The following KDM4C variants were observed in gnomAD, a reference collection of about 807,000 sequenced individuals.
The protein encoded by KDM4C is lysine-specific demethylase 4C.
Under a neutral mutation model 129.3 loss-of-function variants are expected in KDM4C, and 81 were observed. That is an observed-to-expected ratio of 0.63 (90% CI 0.52 to 0.75). The LOEUF is 0.75. KDM4C is among the 30% of genes least tolerant of loss of function. KDM4C has a pLI of 0.00. For missense variants in KDM4C, 1,457 were observed against 1,304.0 expected (o/e 1.12, Z -1.81); for synonymous variants, 573 against 456.1 (o/e 1.26, Z -3.26).
At chr9:7,086,167 A>T (rs906632012) in intron 17 of KDM4C, among the ~76,000 whole-genome samples, 2 of 152,212 alleles carry the variant, frequency 1.3e-5, no homozygotes, top group Admixed American at 6.5e-5. Context: ...CAAAAAAAAC[A>T]AAAACAGTTA....
At chr9:7,105,527 G>C (rs866984155) in intron 18 of KDM4C, 11 of 466,706 alleles carry the variant, frequency 2.4e-5, no homozygotes, top group South Asian at 9.4e-5. Context: ...CTGTTTCGAG[G>C]ATAAGAAACC....
chr9:6,896,348 G>C (rs900529091), intron 8 of KDM4C, among the ~76,000 whole-genome samples: 2 of 152,034 alleles, frequency 1.3e-5, no homozygotes, highest in Admixed American at 6.6e-5. Context: ...GTCACATGGG[G>C]TTTATTGAAT....
At chr9:7,172,869 T>C (rs1845100304) in intron 21 of KDM4C, among the ~76,000 whole-genome samples, 1 of 152,246 alleles carries the variant, frequency 6.6e-6, no homozygotes, top group Admixed American at 6.5e-5. Context: ...TGCTGTGTGT[T>C]GATGTCATCA....
intron 1 of KDM4C, among the ~76,000 whole-genome samples, chr9:6,768,867 G>T (rs1296990764): frequency 6.6e-6 from 1 of 151,946 alleles, no homozygotes. Context: ...CCACCTCCCG[G>T]GTTCAAGTGA....
At chr9:7,005,375 C>A (rs989889274) in intron 12 of KDM4C, among the ~76,000 whole-genome samples, 1 of 144,560 alleles carries the variant, frequency 6.9e-6, no homozygotes, top group Non-Finnish European at 1.5e-5. Context: ...GCGGAGGTTT[C>A]AGTGAGTCGA....
chr9:6,801,873 G>C (rs1055769574), intron 2 of KDM4C, among the ~76,000 whole-genome samples: 11 of 152,112 alleles, frequency 7.2e-5, no homozygotes, highest in South Asian at 2.1e-4. Flanking sequence ...GGGAGGCTGA[G>C]GCGGGTGGAT....
intron 17 of KDM4C, among the ~76,000 whole-genome samples, chr9:7,054,400 T>G (rs531261460): frequency 6.6e-6 from 1 of 152,226 alleles, no homozygotes; most frequent in Non-Finnish European, 1.5e-5. Flanking sequence ...AACAAAATTG[T>G]GCACAGACAA....
chr9:6,807,795 G>A (rs967065171), intron 3 of KDM4C, among the ~76,000 whole-genome samples: 4 of 149,210 alleles, frequency 2.7e-5, no homozygotes, highest in Non-Finnish European at 6.0e-5. Flanking sequence ...GGAGGTGGGG[G>A]GGGGGTCAGC....
Position 6,835,576 on chromosome 9 carries a change from A to T in KDM4C, c.436-13931A>T. ...CATCATCCATCCTTCAAATGCTTCT[A>T]GGCGGACTGTGACTTAGTTGTGTTA... On this transcript the variant is annotated intron_variant, in intron 4 of 21. Transcript: ENST00000381309. 6 of 1,005,562 alleles carry T rather than the reference A, an allele frequency of 6.0e-6. No individual in the cohort carries two copies. In the South Asian group the frequency reaches 7.6e-5, roughly 13 times the overall value. The allele number at this position is 1,005,562 out of a possible 1,614,324, so 62.3% of individuals were successfully genotyped here.
intron 1 of KDM4C, among the ~76,000 whole-genome samples, chr9:6,773,571 G>A (rs895204867): frequency 2.6e-5 from 4 of 152,032 alleles, no homozygotes; most frequent in African/African-American, 9.7e-5. Context: ...AGGAGTTCGA[G>A]ACCAGCCTGA....
chr9:6,965,241 GAAAA>G (rs200029259), intron 8 of KDM4C, among the ~76,000 whole-genome samples: 1 of 146,440 alleles, frequency 6.8e-6, no homozygotes, highest in East Asian at 2.0e-4. Flanking sequence ...AAATTGCAAA[GAAAA>G]AAAAAGTCTA....
intron 8 of KDM4C, among the ~76,000 whole-genome samples, chr9:6,938,050 T>A (rs1825146815): frequency 6.6e-6 from 1 of 152,136 alleles, no homozygotes; most frequent in African/African-American, 2.4e-5. Context: ...GTCAGTTACT[T>A]TCAATATTTT....
At chr9:6,759,068 C>G (rs1365945053) in intron 1 of KDM4C, among the ~76,000 whole-genome samples, 1 of 152,158 alleles carries the variant, frequency 6.6e-6, no homozygotes, top group Non-Finnish European at 1.5e-5. Flanking sequence ...GGGGTTTTGT[C>G]AGGTTCCTTC....
At chr9:7,082,015 G>T (rs7022137) in intron 17 of KDM4C, among the ~76,000 whole-genome samples, 1,539 of 152,238 alleles carry the variant, frequency 0.01, 35 homozygotes, top group African/African-American at 0.035. Flanking sequence ...TTTCCACTTA[G>T]CCTGGCCTTT....
chr9:7,042,320 C>A (rs1214455263), intron 15 of KDM4C, among the ~76,000 whole-genome samples: 3 of 151,964 alleles, frequency 2.0e-5, no homozygotes, highest in African/African-American at 7.2e-5. Context: ...CACTGTTGTT[C>A]CTCTCAGTTA....
intron 8 of KDM4C, among the ~76,000 whole-genome samples, chr9:6,922,124 A>T (rs1365003271): frequency 6.6e-6 from 1 of 152,222 alleles, no homozygotes; most frequent in Non-Finnish European, 1.5e-5. Flanking sequence ...TGCATGAATG[A>T]ATGAATGTAT....
In KDM4C at chr9:7,015,875, T is replaced by C. The variant is rs1210849007; in HGVS notation, c.2205T>C (p.His735=). The C allele has an allele frequency of 2.5e-6, 4 of 1,580,166 alleles. No individual in the cohort carries two copies. Among genetic ancestry groups the C allele is most frequent in the African/African-American group, 1.3e-5 (1 of 74,198 alleles). The change falls in exon 15 of 22, where the codon CAT becomes CAC. Residue 735 remains histidine, a synonymous_variant. Transcript: ENST00000381309. ...TAGGTTGTTATGGTATTCCTTCTCA[T>C]GAGATCTGTGATGGATGGCTGTGTG... ...VHASCYGIPS[H]EICDGWLCAR...
chr9:7,041,131 C>A (rs924396827), intron 15 of KDM4C, among the ~76,000 whole-genome samples: 4 of 151,756 alleles, frequency 2.6e-5, no homozygotes, highest in African/African-American at 9.7e-5. Flanking sequence ...TGGATTCAAC[C>A]AACTGTGGAT....
intron 19 of KDM4C, among the ~76,000 whole-genome samples, chr9:7,132,055 A>G (rs1028077250): frequency 2.6e-5 from 4 of 152,222 alleles, no homozygotes; most frequent in South Asian, 2.1e-4. Context: ...CTACTGAAGA[A>G]CTAGTTCTCT....
Sources: gnomAD v4.1 joint callset for allele counts (sites outside exome capture counted in the v4.1 genomes callset) on GRCh38, gnomAD v4.1.1 for gene constraint, MANE v1.5 for transcripts, NCBI Gene and HGNC (gene_info 2026-07-23, HGNC 2026-07-21) for gene names.